The following TPD52 variants were observed in gnomAD, a reference collection of about 807,000 sequenced individuals.
The protein encoded by TPD52 is tumor protein D52.
In TPD52, 17 loss-of-function variants were observed where a neutral mutation model predicts 31.3. The observed-to-expected ratio is 0.54, with a 90% CI of 0.37 to 0.82. The LOEUF (loss-of-function observed/expected upper bound fraction) is 0.82, where lower values mean the gene tolerates loss of function less well. TPD52 is among the 40% of genes least tolerant of loss of function. The pLI is 0.00. For synonymous variants in TPD52, 83 were observed against 89.6 expected (o/e 0.93, Z 0.42); for missense variants, 212 against 240.1 (o/e 0.88, Z 0.77).
intron 1 of TPD52, among the ~76,000 whole-genome samples, chr8:80,166,731 C>T (rs6990446): frequency 0.4 from 60,017 of 150,836 alleles, 12,135 homozygotes; most frequent in East Asian, 0.68. Flanking sequence ...TGATGAAACC[C>T]CATCTCTACT....
chr8:80,042,097 A>G, intron 7 of TPD52: 1 of 878,156 alleles, frequency 1.1e-6, no homozygotes, highest in Non-Finnish European at 1.4e-6. Flanking sequence ...TCAAAAAAAA[A>G]AAAAGTAATA....
intron 1 of TPD52, among the ~76,000 whole-genome samples, chr8:80,170,819 G>A (rs1812029761): frequency 6.6e-6 from 1 of 152,128 alleles, no homozygotes; most frequent in African/African-American, 2.4e-5. Flanking sequence ...TGAAGGTTTT[G>A]TGTTGTGGGA....
intron 1 of TPD52, among the ~76,000 whole-genome samples, chr8:80,080,139 A>G (rs537443289): frequency 6.6e-6 from 1 of 152,370 alleles, no homozygotes; most frequent in South Asian, 2.1e-4. Context: ...CACATATTCT[A>G]AATATTTAAT....
chr8:80,057,433 C>T (rs1167180398), intron 2 of TPD52, among the ~76,000 whole-genome samples: 2 of 152,256 alleles, frequency 1.3e-5, no homozygotes, highest in South Asian at 2.1e-4. Context: ...TGAAACCAAC[C>T]CCGGTGCCCA....
intron 1 of TPD52, chr8:80,171,128 C>A (rs1189136405): frequency 7.4e-6 from 5 of 678,722 alleles, no homozygotes; most frequent in Non-Finnish European, 1.3e-5. Flanking sequence ...AAGCGCATCA[C>A]GGCCGCCAGC....
intron 1 of TPD52, among the ~76,000 whole-genome samples, chr8:80,073,436 C>G (rs1814159995): frequency 6.6e-6 from 1 of 152,232 alleles, no homozygotes; most frequent in South Asian, 2.1e-4. Flanking sequence ...TGGGGGATCT[C>G]CCCTGGACCC....
At chr8:80,080,695 A>G in intron 1 of TPD52, 9 of 1,190,174 alleles carry the variant, frequency 7.6e-6, no homozygotes, top group Non-Finnish European at 9.4e-6. Context: ...GAGGGGCTCT[A>G]TTCACCACCT....
At chr8:80,166,527 C>A (rs917807265) in intron 1 of TPD52, among the ~76,000 whole-genome samples, 2 of 151,692 alleles carry the variant, frequency 1.3e-5, no homozygotes, top group South Asian at 2.1e-4. Flanking sequence ...CCACCACATG[C>A]GGCCATTAAA....
At chr8:80,111,227 A>C (rs1807477117) in intron 1 of TPD52, among the ~76,000 whole-genome samples, 1 of 152,154 alleles carries the variant, frequency 6.6e-6, no homozygotes, top group African/African-American at 2.4e-5. Flanking sequence ...ATAAAAATAA[A>C]AAATAAAAAT....
chr8:80,083,367 GCT>G (rs1159296884), intron 1 of TPD52, among the ~76,000 whole-genome samples: 6 of 152,140 alleles, frequency 3.9e-5, no homozygotes, highest in Non-Finnish European at 7.3e-5. Flanking sequence ...ATATGGTTTG[GCT>G]CTGTGTCCCC....
intron 6 of TPD52, among the ~76,000 whole-genome samples, chr8:80,043,317 G>A (rs1023774292): frequency 6.6e-6 from 1 of 152,080 alleles, no homozygotes; most frequent in African/African-American, 2.4e-5. Context: ...TAATTAAGGA[G>A]GATCATAGCG....
chr8:80,040,281 G>A (rs892304517), intron 7 of TPD52, among the ~76,000 whole-genome samples: 30 of 139,422 alleles, frequency 2.2e-4, no homozygotes, highest in African/African-American at 7.4e-4. Context: ...TCTGCCTCCC[G>A]GGCTCAAGCG....
downstream of TPD52, among the ~76,000 whole-genome samples, chr8:80,033,559 T>C (rs1440081943): frequency 6.6e-6 from 1 of 152,138 alleles, no homozygotes; most frequent in Non-Finnish European, 1.5e-5. Context: ...TCTCCTGCAG[T>C]CTGGGAGCGT....
rs796723826 is a variant in TPD52 at position 80,136,179 on chromosome 8, T to TAAAAAAAA, written c.19+35245_19+35246insTTTTTTTT. Among the ~76,000 whole-genome samples the TAAAAAAAA allele has an allele frequency of 8.2e-5, 10 of 121,544 alleles. No individual in the cohort carries two copies. The East Asian group carries it at 2.6e-3, about 32-fold the overall frequency. 79.7% of individuals were successfully genotyped at this position (121,544 alleles called of 152,430 possible). A position where few individuals can be genotyped will look rare whatever the true frequency, so the allele number is the denominator to read the frequency against. Reference sequence around the variant, plus strand: ...AAAAAAAAAATTTCAGTCTTTGAGGTTAAAAAAAAAACAAGCACACTCACA... The same window carrying TAAAAAAAA: ...AAAAAAAAAATTTCAGTCTTTGAGGTAAAAAAAATAAAAAAAAAACAAGCACACTCACA... On this transcript the variant is annotated intron_variant, in intron 1 of 7. Transcript: ENST00000518937.
At chr8:80,171,012 G>T in intron 1 of TPD52, 2 of 434,666 alleles carry the variant, frequency 4.6e-6, no homozygotes, top group Non-Finnish European at 4.3e-6. Flanking sequence ...GGAGAGAGGG[G>T]TTTCCCACCT....
intron 1 of TPD52, chr8:80,080,538 A>G: frequency 6.5e-7 from 1 of 1,543,424 alleles, no homozygotes; most frequent in East Asian, 2.3e-5. Context: ...TTCCCTTTGT[A>G]GGGTGCAACT....
Position 80,044,173 on chromosome 8 carries a change from G to T in TPD52, c.449C>A (p.Ala150Asp). 1 of 1,583,278 alleles carries T rather than the reference G, an allele frequency of 6.3e-7. No individual in the cohort carries two copies. The highest frequency in any genetic ancestry group is 8.5e-7 in the Non-Finnish European group (1 of 1,169,898). Residue 150 changes from alanine (A) to aspartate (D), a missense_variant, in exon 6 of 8, where the codon GCT becomes GAT. Coordinates refer to ENST00000518937, the MANE Select transcript of TPD52 (RefSeq NM_001025253.3). ...TCATAAAAATATACTTTACCTCATA[G>T]CAGGCATGCTAATTGAATGCTGAAT... The part of the protein sequence containing the change: ...RSIQHSISMP[A>D]MRNSPTFKSF...
intron 1 of TPD52, among the ~76,000 whole-genome samples, chr8:80,076,063 C>T (rs1004025472): frequency 2.6e-5 from 4 of 152,146 alleles, no homozygotes; most frequent in Non-Finnish European, 5.9e-5. Context: ...GCTCATAATT[C>T]CTTAAGTCAA....
At chr8:80,079,395 G>T (rs1423455881) in intron 1 of TPD52, among the ~76,000 whole-genome samples, 1 of 152,104 alleles carries the variant, frequency 6.6e-6, no homozygotes, top group Admixed American at 6.5e-5. Flanking sequence ...ATGGCTACCA[G>T]GTGCAACCAA....
Sources: gnomAD v4.1 joint callset for allele counts (sites outside exome capture counted in the v4.1 genomes callset) on GRCh38, gnomAD v4.1.1 for gene constraint, MANE v1.5 for transcripts, NCBI Gene and HGNC (gene_info 2026-07-23, HGNC 2026-07-21) for gene names.